PTPN14: variants seen among roughly 807,000 people sequenced by gnomAD.
PTPN14 encodes the protein tyrosine-protein phosphatase non-receptor type 14.
A neutral mutation model predicts 126.8 loss-of-function variants in PTPN14; 53 were observed. The ratio of observed to expected loss-of-function variants is 0.42; its 90% CI spans 0.34 to 0.53. PTPN14 has a LOEUF of 0.53. Among genes scored for constraint, PTPN14 ranks in the 20% least tolerant of loss-of-function variants. The pLI is 0.08. For synonymous variants in PTPN14, 630 were observed against 599.3 expected (o/e 1.05, Z -0.75); for missense variants, 1,257 against 1,552.9 (o/e 0.81, Z 3.20).
rs1658250053 is a variant in PTPN14 at position 214,372,801 on chromosome 1, G to C, written c.2946C>G (p.Thr982=). 6.2e-7 allele frequency: 1 copy of C among 1,613,996 alleles called. No individual in the cohort carries two copies. Among genetic ancestry groups the C allele is most frequent in the African/African-American group, 1.3e-5 (1 of 74,910 alleles). Residue 982 remains threonine, a synonymous_variant, in exon 16 of 19, where the codon ACC becomes ACG. Coordinates refer to ENST00000366956, the MANE Select transcript of PTPN14 (RefSeq NM_005401.5). ...VGGAEWHYIA[T]QGPLPHTCHD... is the part of the protein sequence containing the mutation. ...GGCACGTGTGTGGCAGGGGCCCCTG[G>C]GTGGCTATGTAGTGCCATTCTGCCC... is the stretch of plus-strand genomic sequence containing the variant.
chr1:214,418,837 A>G (rs1659480853), intron 3 of PTPN14, among the ~76,000 whole-genome samples: 1 of 152,188 alleles, frequency 6.6e-6, no homozygotes, highest in African/African-American at 2.4e-5. Flanking sequence ...CCAGAGATAG[A>G]AGGAAGGGAA....
At chr1:214,504,160 A>C (rs745997056) in intron 1 of PTPN14, among the ~76,000 whole-genome samples, 4 of 152,182 alleles carry the variant, frequency 2.6e-5, no homozygotes, top group Non-Finnish European at 4.4e-5. Flanking sequence ...ATTATAGAAC[A>C]TTGAACAACT....
In PTPN14 at chr1:214,497,723, T is replaced by C. The variant is rs367947628; in HGVS notation, c.-154-32766A>G. 1.6e-3 allele frequency among the ~76,000 whole-genome samples: 249 copies of C among 152,322 alleles called. 1 individual carries two copies. Among genetic ancestry groups the C allele is most frequent in the African/African-American group, 5.8e-3 (243 of 41,560 alleles). On this transcript the variant is annotated intron_variant, in intron 1 of 18. Transcript: ENST00000366956. The stretch of plus-strand genomic sequence containing the variant: ...AGTGGCAAAAGCAAATGCAGCATTA[T>C]GCATAGTATAATTTTGTTTCTAATT...
At position 214,368,620 on chromosome 1, in the gene PTPN14, G is replaced by A. The variant is rs146135922; in HGVS notation, c.3271+837C>T. Among the ~76,000 whole-genome samples the A allele has an allele frequency of 1.7e-3, 260 of 152,222 alleles. 3 individuals carry two copies. Among genetic ancestry groups the A allele is most frequent in the African/African-American group, 5.8e-3 (241 of 41,528 alleles). ...AGTGGCATTAAGCATAGTCATAGTT[G>A]TGCAACCATCACCATCATCCATGTC... is the stretch of plus-strand genomic sequence containing the variant. On this transcript the variant is annotated intron_variant, in intron 17 of 18. Transcript: ENST00000366956.
At chr1:214,533,843 C>CAA (rs200765209) in intron 1 of PTPN14, among the ~76,000 whole-genome samples, 71 of 64,502 alleles carry the variant, frequency 1.1e-3, no homozygotes, top group African/African-American at 2.8e-3. Context: ...TCTCAAAAAA[C>CAA]AAAAAAAAAA....
At chr1:214,486,453 G>A (rs1476217485) in intron 1 of PTPN14, among the ~76,000 whole-genome samples, 1 of 152,144 alleles carries the variant, frequency 6.6e-6, no homozygotes, top group African/African-American at 2.4e-5. Flanking sequence ...AGATTCTAGT[G>A]GGATACAGCA....
chr1:214,385,953 C>T (rs1172359750), intron 12 of PTPN14, among the ~76,000 whole-genome samples: 1 of 152,154 alleles, frequency 6.6e-6, no homozygotes, highest in East Asian at 1.9e-4. Flanking sequence ...TTTTCATGCT[C>T]ACACTTTCAG....
chr1:214,375,222 T>C (rs1023780831), intron 15 of PTPN14, among the ~76,000 whole-genome samples: 15 of 152,264 alleles, frequency 9.9e-5, no homozygotes, highest in African/African-American at 3.6e-4. Context: ...AAACTAGTTA[T>C]AATTGATACA....
At chr1:214,485,033 C>G (rs920205889) in intron 1 of PTPN14, among the ~76,000 whole-genome samples, 6 of 152,162 alleles carry the variant, frequency 3.9e-5, no homozygotes, top group African/African-American at 1.4e-4. Flanking sequence ...CATCTCAACA[C>G]CACACTTGTC....
chr1:214,422,148 G>A (rs1049392963), intron 3 of PTPN14, among the ~76,000 whole-genome samples: 12 of 152,160 alleles, frequency 7.9e-5, no homozygotes, highest in African/African-American at 1.2e-4. Context: ...ATGAAAGAGC[G>A]CCTAAAAATT....
intron 1 of PTPN14, among the ~76,000 whole-genome samples, chr1:214,518,759 G>A (rs1655170778): frequency 6.6e-6 from 1 of 152,042 alleles, no homozygotes; most frequent in Non-Finnish European, 1.5e-5. Context: ...TTTAGATAAA[G>A]TTATATTCAG....
intron 1 of PTPN14, among the ~76,000 whole-genome samples, chr1:214,541,474 G>A (rs1269776424): frequency 1.3e-5 from 2 of 152,168 alleles, no homozygotes; most frequent in African/African-American, 2.4e-5. Context: ...CTGAGTATGA[G>A]AGATTGAGAG....
In PTPN14 at chr1:214,405,906, C is replaced by A. The variant is rs187984371; in HGVS notation, c.511-2953G>T. ...AAAAACTTGCCCAAAGTCATATAGCCAATAAGAGGCACAGCTGGGATAGGG... is the reference window on the plus strand; with the variant it reads ...AAAAACTTGCCCAAAGTCATATAGCAAATAAGAGGCACAGCTGGGATAGGG... On this transcript the variant is annotated intron_variant, in intron 5 of 18. Transcript: ENST00000366956. Among the ~76,000 whole-genome samples the A allele has an allele frequency of 1.5e-3, 232 of 152,122 alleles. 2 individuals are homozygous for A. The highest frequency in any genetic ancestry group is 5.4e-3 in the African/African-American group (224 of 41,488).
chr1:214,546,588 C>G (rs1655974485), intron 1 of PTPN14, among the ~76,000 whole-genome samples: 1 of 152,138 alleles, frequency 6.6e-6, no homozygotes, highest in African/African-American at 2.4e-5. Context: ...CTCAAACAAT[C>G]TAAACGTGAA....
intron 1 of PTPN14, among the ~76,000 whole-genome samples, chr1:214,492,636 G>A (rs747827711): frequency 1.3e-5 from 2 of 152,176 alleles, no homozygotes; most frequent in Non-Finnish European, 2.9e-5. Flanking sequence ...GGCCGGGCAT[G>A]GTGGCTCAGA....
chr1:214,375,090 ATAGT>A (rs1490474322), intron 15 of PTPN14, among the ~76,000 whole-genome samples: 1 of 152,192 alleles, frequency 6.6e-6, no homozygotes, highest in Non-Finnish European at 1.5e-5. Flanking sequence ...ATGATCTATG[ATAGT>A]TACTCTTTTA....
chr1:214,539,575 A>G (rs552390576), intron 1 of PTPN14, among the ~76,000 whole-genome samples: 6 of 152,306 alleles, frequency 3.9e-5, no homozygotes, highest in African/African-American at 1.2e-4. Context: ...CATATACGGT[A>G]ATTAATCTAT....
At chr1:214,483,936 GAA>G (rs1456252117) in intron 1 of PTPN14, among the ~76,000 whole-genome samples, 2 of 152,290 alleles carry the variant, frequency 1.3e-5, no homozygotes, top group South Asian at 2.1e-4. Flanking sequence ...GCATTTGAAA[GAA>G]AAGAGTTCTC....
In PTPN14 at chr1:214,357,817, T is replaced by C. The variant is rs1437944917; in HGVS notation, c.*105A>G. 1.2e-5 allele frequency: 11 copies of C among 950,332 alleles called. No homozygotes were observed. Among genetic ancestry groups the C allele is most frequent in the Admixed American group, 2.5e-5 (1 of 40,768 alleles). The allele number at this position is 950,332 out of a possible 1,614,324, so 58.9% of individuals were successfully genotyped here. A position where few individuals can be genotyped will look rare whatever the true frequency, so the allele number is the denominator to read the frequency against. ...TACTGTCTTCAGAGAGCCTGTTTGC[T>C]GCCAGCCACCTGCACCCCTGTGGGG... is the stretch of plus-strand genomic sequence containing the variant. On this transcript the variant is annotated 3_prime_UTR_variant, in exon 19 of 19. Coordinates refer to ENST00000366956, the MANE Select transcript of PTPN14 (RefSeq NM_005401.5).
Sources: gnomAD v4.1 joint callset for allele counts (sites outside exome capture counted in the v4.1 genomes callset) on GRCh38, gnomAD v4.1.1 for gene constraint, MANE v1.5 for transcripts, NCBI Gene and HGNC (gene_info 2026-07-23, HGNC 2026-07-21) for gene names.